Variants in BCL2L13 observed in about 807,000 individuals in gnomAD.
BCL2L13 encodes the protein bcl-2-like protein 13.
BCL2L13 carries 13 observed loss-of-function variants against 25.8 expected under a neutral mutation model. The observed-to-expected ratio is 0.50, with a 90% CI of 0.33 to 0.80. The LOEUF (loss-of-function observed/expected upper bound fraction) is 0.80. Among genes scored for constraint, BCL2L13 ranks in the 30% least tolerant of loss-of-function variants. BCL2L13 has a pLI of 0.02. For synonymous variants in BCL2L13, 244 were observed against 230.3 expected, an observed-to-expected ratio of 1.06 and a Z score of -0.54; for missense variants, 504 against 574.9, an observed-to-expected ratio of 0.88 and a Z score of 1.26.
At chr22:17,645,910 A>T (rs1289630831) in intron 1 of BCL2L13, among the ~76,000 whole-genome samples, 4 of 151,554 alleles carry the variant, frequency 2.6e-5, no homozygotes, top group African/African-American at 9.8e-5. Flanking sequence ...ATAACAATAA[A>T]AACAATACAA....
At chr22:17,640,898 A>T (rs35968148) in intron 1 of BCL2L13, among the ~76,000 whole-genome samples, 57,297 of 145,752 alleles carry the variant, frequency 0.39, 11,847 homozygotes, top group African/African-American at 0.46. Flanking sequence ...ATATATATAT[A>T]TTTTTTTTTT....
At chr22:17,646,714 G>GTTT (rs1568923183) in intron 1 of BCL2L13, among the ~76,000 whole-genome samples, 9 of 72,074 alleles carry the variant, frequency 1.2e-4, no homozygotes, top group Non-Finnish European at 1.8e-4. Context: ...TGAAATATCT[G>GTTT]TCTTTTTTTT....
intron 2 of BCL2L13, among the ~76,000 whole-genome samples, chr22:17,669,580 G>A (rs2059351355): frequency 1.3e-5 from 2 of 152,172 alleles, no homozygotes; most frequent in South Asian, 4.1e-4. Flanking sequence ...ATCCATGAGG[G>A]ATGCACTCCC....
chr22:17,696,002 G>A (rs763955423), intron 4 of BCL2L13, 139 bp from the exon 5 acceptor site: 19 of 547,288 alleles, frequency 3.5e-5, no homozygotes, highest in Middle Eastern at 3.9e-4. Context: ...GAAAAGCCAC[G>A]TCTTGTACAA....
intron 2 of BCL2L13, 26 bp from the exon 3 acceptor site, chr22:17,683,188 A>G (rs764475182): frequency 3.8e-6 from 5 of 1,310,924 alleles, no homozygotes; most frequent in African/African-American, 3.0e-5. Context: ...CCCTCTTTCA[A>G]TAATAACCTT....
At chr22:17,678,454 C>T (rs1206464051) in intron 2 of BCL2L13, among the ~76,000 whole-genome samples, 1 of 152,040 alleles carries the variant, frequency 6.6e-6, no homozygotes, top group Non-Finnish European at 1.5e-5. Context: ...CATTCCTAGC[C>T]ACCCAACCAG....
chr22:17,727,191 C>G lies in BCL2L13; in HGVS notation c.1115C>G (p.Pro372Arg). ...GTGATCACAGTTGAGAAATCCAGCC[C>G]TGCTACATCTCTGTTTGTAGAACTT... The part of the protein sequence containing the change: ...TEVITVEKSS[P>R]ATSLFVELDE... The change falls in exon 7 of 7, where the codon CCT (proline) becomes CGT (arginine). Residue 372 changes from proline to arginine, a missense_variant. Transcript: ENST00000317582. 1 of 1,614,230 alleles carries G rather than the reference C, an allele frequency of 6.2e-7. No individual in the cohort carries two copies. The highest frequency in any genetic ancestry group is 8.5e-7 in the Non-Finnish European group (1 of 1,180,046).
At chr22:17,648,132 AAG>A (rs1317331464) in intron 1 of BCL2L13, among the ~76,000 whole-genome samples, 1 of 152,012 alleles carries the variant, frequency 6.6e-6, no homozygotes, top group Non-Finnish European at 1.5e-5. Context: ...AAAAAAAAAA[AAG>A]AAATGCAAAA....
In BCL2L13 at chr22:17,676,305, CAA is replaced by C. The variant is rs11343596; in HGVS notation, c.122-6901_122-6900del. Among the ~76,000 whole-genome samples the C allele has an allele frequency of 9.2e-5, 14 of 151,496 alleles. 1 individual carries two copies. Among genetic ancestry groups the C allele is most frequent in the Admixed American group, 7.9e-4 (12 of 15,186 alleles). On this transcript the variant is annotated intron_variant, in intron 2 of 6. Coordinates refer to ENST00000317582, the MANE Select transcript of BCL2L13 (RefSeq NM_015367.4). ...GGCAGAACCCTATCTCTACTAAAAA[CAA>C]AAAAAAATAGGCAGGTGTGGTGGCA...
At chr22:17,680,617 C>T (rs1423612857) in intron 2 of BCL2L13, among the ~76,000 whole-genome samples, 1 of 149,028 alleles carries the variant, frequency 6.7e-6, no homozygotes, top group Non-Finnish European at 1.5e-5. Context: ...AGCTGGCTCT[C>T]CGAGGGGAGT....
At chr22:17,690,675 A>G (rs1008250106) in intron 4 of BCL2L13, among the ~76,000 whole-genome samples, 1 of 152,292 alleles carries the variant, frequency 6.6e-6, no homozygotes, top group African/African-American at 2.4e-5. Flanking sequence ...AGGTGGGAGG[A>G]TCACTTGAGC....
rs146570939 is a variant in BCL2L13, at chr22:17,726,534, G to A, written c.601-143G>A. 1.1e-5 allele frequency: 10 copies of A among 934,548 alleles called. No individual in the cohort carries two copies. In the East Asian group the frequency reaches 1.3e-4, roughly 12 times the overall value. The allele number at this position is 934,548 out of a possible 1,614,324, so 57.9% of individuals were successfully genotyped here. On this transcript the variant is annotated intron_variant, in intron 6 of 6. Coordinates refer to ENST00000317582, the MANE Select transcript of BCL2L13 (RefSeq NM_015367.4). Reference sequence around the variant, plus strand: ...TCTCTGCATTGGCCTACAAATACATGCATTCCATTCGGAAACTATGTAGGT... The same window carrying A: ...TCTCTGCATTGGCCTACAAATACATACATTCCATTCGGAAACTATGTAGGT...
At chr22:17,701,915 CAAAAA>C (rs5844321) in intron 5 of BCL2L13, among the ~76,000 whole-genome samples, 30 of 104,428 alleles carry the variant, frequency 2.9e-4, no homozygotes, top group African/African-American at 9.0e-4. Flanking sequence ...GACTCCATCT[CAAAAA>C]AAAAAAAAAA....
chr22:17,642,711 A>G (rs1389351602), intron 1 of BCL2L13, among the ~76,000 whole-genome samples: 1 of 151,524 alleles, frequency 6.6e-6, no homozygotes, highest in Non-Finnish European at 1.5e-5. Flanking sequence ...CTCCTGCCTC[A>G]GCCTTCCAAG....
chr22:17,638,515 C>T (rs1229981820), upstream of BCL2L13: 3 of 445,434 alleles, frequency 6.7e-6, no homozygotes, highest in Non-Finnish European at 1.1e-5. Flanking sequence ...TCCAACACAG[C>T]GACCAGCCGG....
Position 17,696,359 on chromosome 22 carries a change from G to C in BCL2L13, c.456+149G>C, listed in dbSNP as rs143191912. 242 of 705,654 alleles carry C rather than the reference G, an allele frequency of 3.4e-4. 1 individual carries two copies. The African/African-American group carries it at 3.9e-3, about 12-fold the overall frequency. The allele number at this position is 705,654 out of a possible 1,614,324, so 43.7% of individuals were successfully genotyped here. On this transcript the variant is annotated intron_variant, in intron 5 of 6. Transcript: ENST00000317582. ...TTAAGGGGATATTTTTGGTTAAACTGGTTTTTCGATTAATGCTGCAAGGTC... is the reference window on the plus strand; with the variant it reads ...TTAAGGGGATATTTTTGGTTAAACTCGTTTTTCGATTAATGCTGCAAGGTC...
chr22:17,662,355 G>A (rs563034923), intron 2 of BCL2L13, among the ~76,000 whole-genome samples: 1 of 152,278 alleles, frequency 6.6e-6, no homozygotes, highest in East Asian at 1.9e-4. Flanking sequence ...GCAGGTGCCT[G>A]TAGTCCCAGC....
At chr22:17,710,559 G>A (rs1337509834) in intron 6 of BCL2L13, among the ~76,000 whole-genome samples, 10 of 151,756 alleles carry the variant, frequency 6.6e-5, no homozygotes, top group Admixed American at 6.6e-4. Context: ...CAGCCTGGGT[G>A]ACAGAGCAAG....
At chr22:17,697,799 CTG>C (rs1036201133) in intron 5 of BCL2L13, among the ~76,000 whole-genome samples, 7 of 152,156 alleles carry the variant, frequency 4.6e-5, no homozygotes, top group African/African-American at 1.7e-4. Context: ...AATATTCTCT[CTG>C]ATATAGACAT....
Sources: allele counts gnomAD v4.1 joint callset (sites outside exome capture counted in the v4.1 genomes callset), GRCh38; gene constraint gnomAD v4.1.1; transcripts MANE v1.5; gene names NCBI Gene and HGNC (gene_info 2026-07-23, HGNC 2026-07-21).